Variants in FRMPD4 observed in about 807,000 individuals in gnomAD.
The protein encoded by FRMPD4 is FERM and PDZ domain-containing protein 4.
Under a neutral mutation model 94.1 loss-of-function variants are expected in FRMPD4, and 22 were observed. The observed-to-expected ratio is 0.23, with a 90% confidence interval of 0.17 to 0.33. The LOEUF is 0.33. Ranked by LOEUF, FRMPD4 falls within the 10% of genes least tolerant of loss-of-function variation. The probability of loss-of-function intolerance (pLI) is 1.00; values close to 1 mark genes in which losing one functional copy is unlikely to be tolerated. For missense variants in FRMPD4, 1,111 were observed against 1,339.9 expected, an observed-to-expected ratio of 0.83 and a Z score of 2.67; for synonymous variants, 631 against 548.6, an observed-to-expected ratio of 1.15 and a Z score of -2.10.
At chrX:12,297,028 A>G (rs2054783252) in intron 1 of FRMPD4, among the ~76,000 whole-genome samples, 1 of 112,402 alleles carries the variant, frequency 8.9e-6, no homozygotes, top group Non-Finnish European at 1.9e-5. Context: ...CCAGATTGTG[A>G]AGCTCACTGC....
chrX:12,291,745 G>C (rs142590800), intron 1 of FRMPD4, among the ~76,000 whole-genome samples: 1,195 of 111,234 alleles, frequency 0.011, 13 homozygotes, highest in African/African-American at 0.037. Flanking sequence ...TTCTACCTTG[G>C]ATGTGTATCC....
At chrX:12,431,208 A>G (rs2057006163) in intron 1 of FRMPD4, among the ~76,000 whole-genome samples, 3 of 112,784 alleles carry the variant, frequency 2.7e-5, no homozygotes. Flanking sequence ...TCAAGGAGAG[A>G]GGAAAACATA....
intron 2 of FRMPD4, among the ~76,000 whole-genome samples, chrX:12,542,371 A>T (rs1431703484): frequency 1.8e-5 from 2 of 112,632 alleles, no homozygotes; most frequent in African/African-American, 6.4e-5. Context: ...CCTTAAGCTG[A>T]TAAGCAACTT....
At chrX:11,968,057 T>C (rs2054320642) in intron 3 of FRMPD4, among the ~76,000 whole-genome samples, 1 of 110,712 alleles carries the variant, frequency 9.0e-6, no homozygotes, top group African/African-American at 3.3e-5. Flanking sequence ...TAACAGCATC[T>C]GTGATTTGGA....
At chrX:12,218,350 G>T (rs931396279) in intron 1 of FRMPD4, among the ~76,000 whole-genome samples, 1 of 111,843 alleles carries the variant, frequency 8.9e-6, no homozygotes, top group Admixed American at 9.5e-5. Context: ...GAGACCTGCA[G>T]GCTGTGACAA....
chrX:12,610,670 C>T (rs1456509584), intron 3 of FRMPD4, among the ~76,000 whole-genome samples: 1 of 109,133 alleles, frequency 9.2e-6, no homozygotes, highest in Non-Finnish European at 1.9e-5. Context: ...ATCGCTTGAA[C>T]CCAGGAGGGA....
intron 2 of FRMPD4, among the ~76,000 whole-genome samples, chrX:12,592,321 CAT>C (rs770216814): frequency 1.8e-5 from 2 of 111,778 alleles, no homozygotes; most frequent in East Asian, 5.6e-4. Context: ...TGAAGGTTCC[CAT>C]GTAATATAAA....
At chrX:12,431,098 A>C (rs191649933) in intron 1 of FRMPD4, among the ~76,000 whole-genome samples, 1 of 112,910 alleles carries the variant, frequency 8.9e-6, no homozygotes, top group African/African-American at 3.2e-5. Flanking sequence ...TTACTCATTC[A>C]TTTATGCAAA....
At chrX:12,096,117 G>A (rs1361898543) in intron 3 of FRMPD4, among the ~76,000 whole-genome samples, 5 of 112,419 alleles carry the variant, frequency 4.4e-5, no homozygotes, top group Non-Finnish European at 9.4e-5. Context: ...TTTATTGAAG[G>A]TTACCGAATG....
chrX:12,125,166 A>T lies in FRMPD4; in HGVS notation c.95+247148A>T, dbSNP rs765393225. 2.2e-4 allele frequency among the ~76,000 whole-genome samples: 24 copies of T among 111,577 alleles called. No individual in the cohort carries two copies. In the South Asian group the frequency reaches 8.0e-3, roughly 37 times the overall value. The stretch of plus-strand genomic sequence containing the variant: ...AATAATTCCATACTGAGAGTCCAAA[A>T]TTCTCCTCTGCTGTGTCAACACACT... On this transcript the variant is annotated intron_variant, in intron 3 of 18. Coordinates refer to the FRMPD4 transcript ENST00000640291.
At chrX:12,307,202 C>T (rs1178072951) in intron 1 of FRMPD4, among the ~76,000 whole-genome samples, 1 of 111,964 alleles carries the variant, frequency 8.9e-6, no homozygotes, top group Non-Finnish European at 1.9e-5. Flanking sequence ...GCTGTGGAGG[C>T]ACATAACAGG....
chrX:12,240,238 C>T (rs2057114007), intron 1 of FRMPD4, among the ~76,000 whole-genome samples: 1 of 111,991 alleles, frequency 8.9e-6, no homozygotes, highest in Non-Finnish European at 1.9e-5. Context: ...TTCTGTCTTG[C>T]CCTTTACAGA....
At chrX:12,000,761 C>T (rs975779764) in intron 3 of FRMPD4, among the ~76,000 whole-genome samples, 2 of 111,912 alleles carry the variant, frequency 1.8e-5, no homozygotes, top group African/African-American at 6.5e-5. Context: ...CTATAACATC[C>T]TCTGGCTACC....
chrX:12,342,429 G>T lies in FRMPD4; in HGVS notation c.42-156251G>T, dbSNP rs1215090033. On this transcript the variant is annotated intron_variant, in intron 1 of 16. Coordinates refer to ENST00000675598, the MANE Select transcript of FRMPD4 (RefSeq NM_001368397.1). ...GAAGAGGTTAAGTGACTTTCCCAGG[G>T]TAACAACTATCAGTGAAAGAGCAGG... Among the ~76,000 whole-genome samples, 4 of 111,498 alleles carry T rather than the reference G, an allele frequency of 3.6e-5. No homozygotes were observed. In the Admixed American group the frequency reaches 3.8e-4, roughly 11 times the overall value.
intron 3 of FRMPD4, among the ~76,000 whole-genome samples, chrX:12,051,467 A>T (rs2054818514): frequency 8.9e-6 from 1 of 111,829 alleles, no homozygotes; most frequent in South Asian, 3.7e-4. Flanking sequence ...GATCAGGTAC[A>T]AAGTGTAAAA....
intron 5 of FRMPD4, among the ~76,000 whole-genome samples, chrX:12,677,332 G>T (rs1053229823): frequency 9.0e-6 from 1 of 111,349 alleles, no homozygotes; most frequent in African/African-American, 3.3e-5. Flanking sequence ...TCCGAGGTGT[G>T]GAAGTTGAAA....
chrX:11,918,553 A>T (rs1420439123), intron 3 of FRMPD4, among the ~76,000 whole-genome samples: 1 of 112,697 alleles, frequency 8.9e-6, no homozygotes, highest in Non-Finnish European at 1.9e-5. Context: ...GCAGTGAGCC[A>T]AGATCATGCC....
At chrX:12,702,791 C>T (rs984370063) in intron 10 of FRMPD4, among the ~76,000 whole-genome samples, 1 of 112,460 alleles carries the variant, frequency 8.9e-6, no homozygotes, top group African/African-American at 3.2e-5. Context: ...GACAAATCCT[C>T]ATATGCAATT....
intron 3 of FRMPD4, among the ~76,000 whole-genome samples, chrX:11,909,588 T>C (rs1278989056): frequency 9.1e-6 from 1 of 110,247 alleles, no homozygotes; most frequent in Non-Finnish European, 1.9e-5. Context: ...TTCATTTGCT[T>C]TTCTTTAACA....
Sources: allele counts gnomAD v4.1 joint callset (sites outside exome capture counted in the v4.1 genomes callset), GRCh38; gene constraint gnomAD v4.1.1; transcripts MANE v1.5; gene names NCBI Gene and HGNC (gene_info 2026-07-23, HGNC 2026-07-21).